The following WDPCP variants were observed in gnomAD, a reference collection of about 807,000 sequenced individuals.
WDPCP encodes the protein WD repeat containing planar cell polarity effector.
In WDPCP, 71 loss-of-function variants were observed where a neutral mutation model predicts 93.1. That is an observed-to-expected ratio of 0.76 (90% confidence interval 0.63 to 0.93). The LOEUF (loss-of-function observed/expected upper bound fraction) is 0.93, where lower values mean the gene tolerates loss of function less well. WDPCP is among the 40% of genes least tolerant of loss of function. The pLI, the probability that WDPCP is intolerant of heterozygous loss-of-function variation, is 0.00. For missense variants in WDPCP, 844 were observed against 887.4 expected (o/e 0.95, Z 0.62); for synonymous variants, 315 against 315.0 (o/e 1.00, Z 0.00).
chr2:63,563,181 A>C (rs752700730), intron 1 of WDPCP, among the ~76,000 whole-genome samples: 6 of 152,200 alleles, frequency 3.9e-5, no homozygotes, highest in Non-Finnish European at 5.9e-5. Context: ...CAGTTTTAAC[A>C]TAACTCCATC....
intron 2 of WDPCP, among the ~76,000 whole-genome samples, chr2:63,680,416 A>T (rs956131546): frequency 2.6e-5 from 4 of 152,218 alleles, no homozygotes; most frequent in Non-Finnish European, 5.9e-5. Flanking sequence ...GAGACCCTGC[A>T]TTGAACTCAG....
At chr2:63,126,153 T>A (rs1669887017) in intron 17 of WDPCP, among the ~76,000 whole-genome samples, 1 of 151,866 alleles carries the variant, frequency 6.6e-6, no homozygotes, top group South Asian at 2.1e-4. Context: ...AGGCTGGTCT[T>A]GAACTCCTGG....
intron 12 of WDPCP, among the ~76,000 whole-genome samples, chr2:63,356,415 T>C (rs1202820390): frequency 6.6e-6 from 1 of 152,186 alleles, no homozygotes; most frequent in Non-Finnish European, 1.5e-5. Context: ...AACTCAGCAT[T>C]GAACCAAATG....
chr2:63,624,135 A>G (rs1035565257), intron 3 of WDPCP, among the ~76,000 whole-genome samples: 1 of 152,382 alleles, frequency 6.6e-6, no homozygotes, highest in African/African-American at 2.4e-5. Flanking sequence ...TCTGAAGCCA[A>G]TGAGAACAAA....
chr2:63,830,077 T>C (rs1227836878), upstream of WDPCP, among the ~76,000 whole-genome samples: 2 of 152,148 alleles, frequency 1.3e-5, no homozygotes, highest in South Asian at 4.1e-4. Flanking sequence ...TTCTATTTCT[T>C]CTGTCTTGAT....
At chr2:63,725,706 CT>C (rs1169741068) in intron 2 of WDPCP, among the ~76,000 whole-genome samples, 2 of 152,114 alleles carry the variant, frequency 1.3e-5, no homozygotes, top group African/African-American at 4.8e-5. Context: ...TTGCCAGCAT[CT>C]GTTATTTTTT....
chr2:63,489,253 G>A (rs1466180715), intron 2 of WDPCP, among the ~76,000 whole-genome samples: 2 of 151,980 alleles, frequency 1.3e-5, no homozygotes, highest in Non-Finnish European at 2.9e-5. Context: ...CACTGTCTGA[G>A]AAGAAAAATA....
intron 13 of WDPCP, among the ~76,000 whole-genome samples, chr2:63,303,624 T>C (rs1186134674): frequency 1.3e-5 from 2 of 151,986 alleles, no homozygotes; most frequent in Admixed American, 6.6e-5. Flanking sequence ...CTGACTGAGG[T>C]TGGAGGCCTT....
intron 9 of WDPCP, among the ~76,000 whole-genome samples, chr2:63,426,515 C>T (rs915352263): frequency 6.6e-6 from 1 of 152,070 alleles, no homozygotes; most frequent in African/African-American, 2.4e-5. Context: ...AATTCATTAC[C>T]AGTACACCAG....
intron 1 of WDPCP, among the ~76,000 whole-genome samples, chr2:63,816,684 T>A (rs1670937156): frequency 6.6e-6 from 1 of 152,216 alleles, no homozygotes; most frequent in Admixed American, 6.5e-5. Flanking sequence ...AACCTTTTGT[T>A]GTTTTAAGCC....
At chr2:63,720,314 G>A (rs991681255) in intron 2 of WDPCP, among the ~76,000 whole-genome samples, 2 of 151,888 alleles carry the variant, frequency 1.3e-5, no homozygotes, top group East Asian at 1.9e-4. Context: ...CTACTCGGGA[G>A]GCTGAGGCAG....
chr2:63,436,818 A>G (rs1697164817), intron 8 of WDPCP, among the ~76,000 whole-genome samples: 1 of 152,098 alleles, frequency 6.6e-6, no homozygotes. Context: ...TAAACACATC[A>G]CTTAAAATAA....
At chr2:63,280,999 G>A (rs1237371562) in intron 13 of WDPCP, among the ~76,000 whole-genome samples, 2 of 152,046 alleles carry the variant, frequency 1.3e-5, no homozygotes, top group African/African-American at 4.8e-5. Flanking sequence ...AACTAAAAAA[G>A]TTTTTCTGCA....
At chr2:63,790,332 C>T (rs1558911294) in intron 2 of WDPCP, among the ~76,000 whole-genome samples, 1 of 152,164 alleles carries the variant, frequency 6.6e-6, no homozygotes, top group African/African-American at 2.4e-5. Context: ...GAGTGGGGTG[C>T]CCCAAATGGG....
chr2:63,674,717 C>CA (rs5831668), intron 2 of WDPCP, among the ~76,000 whole-genome samples: 65 of 144,792 alleles, frequency 4.5e-4, no homozygotes, highest in Admixed American at 1.2e-3. Context: ...CTTGACGCTA[C>CA]AAAAAAAAAA....
At chr2:63,759,785 C>T (rs1453191855) in intron 2 of WDPCP, among the ~76,000 whole-genome samples, 1 of 152,228 alleles carries the variant, frequency 6.6e-6, no homozygotes, top group South Asian at 2.1e-4. Flanking sequence ...TGCCACAATC[C>T]ACAATGAACA....
chr2:63,123,679 T>A (rs904981052), intron 17 of WDPCP, among the ~76,000 whole-genome samples: 3 of 152,150 alleles, frequency 2.0e-5, no homozygotes, highest in African/African-American at 7.2e-5. Flanking sequence ...AAATAATTTA[T>A]TTTACATTCA....
intron 17 of WDPCP, among the ~76,000 whole-genome samples, chr2:63,147,978 A>G (rs1474785085): frequency 6.6e-6 from 1 of 151,838 alleles, no homozygotes; most frequent in Non-Finnish European, 1.5e-5. Context: ...AAAAAAAAAA[A>G]AAAAAAAAAA....
intron 13 of WDPCP, among the ~76,000 whole-genome samples, chr2:63,299,491 A>C (rs1291236935): frequency 6.6e-6 from 1 of 152,186 alleles, no homozygotes; most frequent in East Asian, 1.9e-4. Context: ...CATAAGTGAC[A>C]GGTCCAAGCA....
Sources: gnomAD v4.1 joint callset for allele counts (sites outside exome capture counted in the v4.1 genomes callset) on GRCh38, gnomAD v4.1.1 for gene constraint, MANE v1.5 for transcripts, NCBI Gene and HGNC (gene_info 2026-07-23, HGNC 2026-07-21) for gene names.